CDC123: variants seen among roughly 807,000 people sequenced by gnomAD.
CDC123 encodes the protein cell division cycle 123.
Under a neutral mutation model 54.4 loss-of-function variants are expected in CDC123, and 37 were observed. The observed-to-expected ratio is 0.68, with a 90% confidence interval of 0.52 to 0.89. CDC123 has a LOEUF of 0.89. CDC123 is among the 40% of genes least tolerant of loss of function. The pLI, the probability that CDC123 is intolerant of heterozygous loss-of-function variation, is 0.00. For missense variants in CDC123, 361 were observed against 412.1 expected (o/e 0.88, Z 1.07); for synonymous variants, 144 against 136.8 (o/e 1.05, Z -0.37).
chr10:12,213,111 T>A (rs1432700516), intron 4 of CDC123, among the ~76,000 whole-genome samples: 1 of 152,230 alleles, frequency 6.6e-6, no homozygotes, highest in Non-Finnish European at 1.5e-5. Context: ...AATATTTGAT[T>A]GAATAGATGC....
chr10:12,196,353 C>G, intron 1 of CDC123, 34 bp downstream of exon 1: 1 of 1,613,456 alleles, frequency 6.2e-7, no homozygotes, highest in Non-Finnish European at 8.5e-7. Flanking sequence ...GGTCGACCGG[C>G]AAAAGGGAAC....
intron 10 of CDC123, among the ~76,000 whole-genome samples, chr10:12,244,365 A>G (rs1026571203): frequency 2.0e-5 from 3 of 152,270 alleles, no homozygotes; most frequent in African/African-American, 7.2e-5. Flanking sequence ...GAGCAAAGAT[A>G]AACCTTTCGA....
intron 2 of CDC123, among the ~76,000 whole-genome samples, chr10:12,208,326 C>T (rs745502319): frequency 2.0e-5 from 3 of 152,158 alleles, no homozygotes; most frequent in Non-Finnish European, 4.4e-5. Flanking sequence ...CTTTCAGCCT[C>T]TGATTCCCTC....
intron 1 of CDC123, among the ~76,000 whole-genome samples, chr10:12,197,185 G>T (rs1305520413): frequency 6.6e-6 from 1 of 152,110 alleles, no homozygotes; most frequent in East Asian, 1.9e-4. Flanking sequence ...CTTTGTAAGA[G>T]TAAAATACTT....
chr10:12,198,247 A>T (rs1835392464), intron 1 of CDC123, among the ~76,000 whole-genome samples: 1 of 152,220 alleles, frequency 6.6e-6, no homozygotes. Context: ...TCTTAGCGGT[A>T]GGTGCTCACT....
At chr10:12,210,208 A>T (rs1421085469) in intron 3 of CDC123, 82 bp from the exon 4 acceptor site, 6 of 1,542,160 alleles carry the variant, frequency 3.9e-6, no homozygotes, top group Non-Finnish European at 5.3e-6. Context: ...TTGATTTATA[A>T]TTTTTAGATG....
intron 1 of CDC123, among the ~76,000 whole-genome samples, chr10:12,197,032 C>G (rs1835363056): frequency 6.6e-6 from 1 of 152,054 alleles, no homozygotes; most frequent in Non-Finnish European, 1.5e-5. Context: ...TGGTTTCATT[C>G]AATAAAGATC....
At chr10:12,227,205 A>ACCATCTCGGCT (rs1317184526) in intron 6 of CDC123, among the ~76,000 whole-genome samples, 1 of 150,962 alleles carries the variant, frequency 6.6e-6, no homozygotes, top group African/African-American at 2.4e-5. Context: ...AGATGGCGGC[A>ACCATCTCGGCT]CTACAGTCCA....
chr10:12,230,979 C>G lies in CDC123; in HGVS notation c.472C>G (p.Pro158Ala). ...TCATTGTACTGATGATTCTCCAGATCCATGTATAGAATATGAGGTAAGAAG... is the reference window on the plus strand; with the variant it reads ...TCATTGTACTGATGATTCTCCAGATGCATGTATAGAATATGAGGTAAGAAG... Reference protein sequence around the residue: ...FIHCTDDSPDPCIEYELVLRK... With the variant: ...FIHCTDDSPDACIEYELVLRK... Residue 158 changes from proline to alanine, a missense_variant, in exon 7 of 13, where the codon CCA becomes GCA. Transcript: ENST00000281141. 6.2e-7 allele frequency: 1 copy of G among 1,611,206 alleles called. No homozygotes were observed. The highest frequency in any genetic ancestry group is 8.5e-7 in the Non-Finnish European group (1 of 1,178,942).
At chr10:12,234,573 G>T (rs17151455) in intron 7 of CDC123, among the ~76,000 whole-genome samples, 1 of 151,950 alleles carries the variant, frequency 6.6e-6, no homozygotes, top group African/African-American at 2.4e-5. Context: ...ATGAATGAAC[G>T]TATGGCACTG....
chr10:12,212,446 A>G (rs1328241898), intron 4 of CDC123, among the ~76,000 whole-genome samples: 1 of 152,266 alleles, frequency 6.6e-6, no homozygotes, highest in Non-Finnish European at 1.5e-5. Flanking sequence ...TATGAGCATC[A>G]TAACAAATAG....
At chr10:12,225,361 C>T (rs1050994529) in intron 6 of CDC123, among the ~76,000 whole-genome samples, 4 of 152,098 alleles carry the variant, frequency 2.6e-5, no homozygotes, top group African/African-American at 9.7e-5. Context: ...TGCCACTGCG[C>T]TCCAGCCTGG....
At chr10:12,210,468 T>G in intron 4 of CDC123, 146 bp downstream of exon 4, 1 of 1,006,020 alleles carries the variant, frequency 9.9e-7, no homozygotes, top group Non-Finnish European at 1.4e-6. Flanking sequence ...GTTTTTATTT[T>G]GAAAAATAAC....
chr10:12,245,329 C>T (rs1836117557), intron 10 of CDC123: 1 of 152,062 alleles, frequency 6.6e-6, no homozygotes. Context: ...GATCACGGCT[C>T]ACAGTAGCCT....
chr10:12,203,154 A>G (rs1835465856), intron 2 of CDC123, among the ~76,000 whole-genome samples: 1 of 152,246 alleles, frequency 6.6e-6, no homozygotes, highest in African/African-American at 2.4e-5. Context: ...CCATGTGTTC[A>G]GCTATCCGGA....
At chr10:12,248,234 G>A (rs771406506) in intron 11 of CDC123, among the ~76,000 whole-genome samples, 1 of 152,190 alleles carries the variant, frequency 6.6e-6, no homozygotes, top group Admixed American at 6.5e-5. Flanking sequence ...TGGGCCAGAC[G>A]TAGTGGCTCA....
chr10:12,217,683 G>A (rs537947890), intron 6 of CDC123, among the ~76,000 whole-genome samples: 13 of 152,192 alleles, frequency 8.5e-5, no homozygotes, highest in Middle Eastern at 6.8e-3. Flanking sequence ...GACTTCCTGC[G>A]TCTCTGCCCA....
rs191940108 is a variant in CDC123 at position 12,226,580 on chromosome 10, C to T, written c.441-4368C>T. 1.3e-3 allele frequency among the ~76,000 whole-genome samples: 186 copies of T among 147,486 alleles called. 1 individual carries two copies. The highest frequency in any genetic ancestry group is 4.4e-3 in the African/African-American group (172 of 39,406). ...GAGACACTCCTCAGTTCCCAGACAGCGTCGCGGCTGGGCAGAGGCGCTCCT... is the reference window on the plus strand; with the variant it reads ...GAGACACTCCTCAGTTCCCAGACAGTGTCGCGGCTGGGCAGAGGCGCTCCT... On this transcript the variant is annotated intron_variant, in intron 6 of 12. Coordinates refer to ENST00000281141, the MANE Select transcript of CDC123 (RefSeq NM_006023.3).
intron 2 of CDC123, among the ~76,000 whole-genome samples, chr10:12,204,473 TTTA>T (rs1835487063): frequency 6.6e-6 from 1 of 152,192 alleles, no homozygotes; most frequent in Non-Finnish European, 1.5e-5. Flanking sequence ...AAATGATTTT[TTTA>T]AATTTTTTAA....
Sources: allele counts gnomAD v4.1 joint callset (sites outside exome capture counted in the v4.1 genomes callset), GRCh38; gene constraint gnomAD v4.1.1; transcripts MANE v1.5; gene names NCBI Gene and HGNC (gene_info 2026-07-23, HGNC 2026-07-21).